AKAP6: variants seen among roughly 807,000 people sequenced by gnomAD.
AKAP6 encodes A-kinase anchor protein 6.
AKAP6 carries 58 observed loss-of-function variants against 188.5 expected under a neutral mutation model. The observed-to-expected ratio is 0.31, with a 90% confidence interval of 0.25 to 0.38. The LOEUF (loss-of-function observed/expected upper bound fraction) is 0.38. AKAP6 is among the 10% of genes least tolerant of loss of function. The pLI is 1.00. For synonymous variants in AKAP6, 989 were observed against 998.6 expected (o/e 0.99, Z 0.18); for missense variants, 2,710 against 2,740.0 (o/e 0.99, Z 0.24).
chr14:32,829,180 A>G (rs549892263), intron 13 of AKAP6, among the ~76,000 whole-genome samples: 2 of 152,188 alleles, frequency 1.3e-5, no homozygotes, highest in Non-Finnish European at 2.9e-5. Context: ...TTTGGAAGAA[A>G]TTTATATCAT....
chr14:32,694,434 C>G (rs1259084650), intron 8 of AKAP6, among the ~76,000 whole-genome samples: 8 of 151,536 alleles, frequency 5.3e-5, no homozygotes, highest in Non-Finnish European at 7.4e-5. Context: ...TGAAGAATCT[C>G]AAGCCCCACC....
intron 1 of AKAP6, among the ~76,000 whole-genome samples, chr14:32,407,074 C>T (rs1423896154): frequency 6.6e-6 from 1 of 152,198 alleles, no homozygotes; most frequent in Non-Finnish European, 1.5e-5. Context: ...CCAACTCTCA[C>T]CCAAGTGCCT....
At chr14:32,360,974 C>A (rs904829471) in intron 1 of AKAP6, among the ~76,000 whole-genome samples, 1 of 151,202 alleles carries the variant, frequency 6.6e-6, no homozygotes, top group Non-Finnish European at 1.5e-5. Context: ...CTCTTGAACT[C>A]CTGGGCTCAA....
intron 2 of AKAP6, among the ~76,000 whole-genome samples, chr14:32,445,958 A>G (rs942991735): frequency 6.6e-6 from 1 of 152,172 alleles, no homozygotes; most frequent in African/African-American, 2.4e-5. Flanking sequence ...GAGGGTGTGA[A>G]TCAGATTCCT....
intron 1 of AKAP6, among the ~76,000 whole-genome samples, chr14:32,406,289 A>G (rs1889290951): frequency 6.6e-6 from 1 of 152,178 alleles, no homozygotes; most frequent in South Asian, 2.1e-4. Flanking sequence ...GGCTCACTGT[A>G]ACCTCTGCCT....
chr14:32,460,797 C>T (rs902181833), intron 2 of AKAP6, among the ~76,000 whole-genome samples: 1 of 152,230 alleles, frequency 6.6e-6, no homozygotes, highest in Non-Finnish European at 1.5e-5. Context: ...TCCCATGGAG[C>T]CCAGCAAGCT....
intron 1 of AKAP6, among the ~76,000 whole-genome samples, chr14:32,330,110 T>C (rs906573864): frequency 6.6e-6 from 1 of 152,088 alleles, no homozygotes; most frequent in Non-Finnish European, 1.5e-5. Flanking sequence ...CAGGCTGACT[T>C]GTAACTGAGA....
intron 3 of AKAP6, among the ~76,000 whole-genome samples, chr14:32,542,207 C>G (rs995841393): frequency 1.3e-5 from 2 of 152,128 alleles, no homozygotes; most frequent in Non-Finnish European, 2.9e-5. Context: ...AGTGCTACAG[C>G]CAGAATTCGA....
At chr14:32,608,245 G>T (rs1430775003) in intron 7 of AKAP6, among the ~76,000 whole-genome samples, 1 of 152,122 alleles carries the variant, frequency 6.6e-6, no homozygotes, top group Non-Finnish European at 1.5e-5. Context: ...AGTGGCTCAT[G>T]CCTGTAATCC....
At chr14:32,602,223 A>G (rs893238307) in intron 7 of AKAP6, among the ~76,000 whole-genome samples, 8 of 152,180 alleles carry the variant, frequency 5.3e-5, no homozygotes, top group Admixed American at 1.3e-4. Context: ...AGGAAAGATG[A>G]TAAGAAACGA....
chr14:32,498,936 A>C (rs368245524), intron 2 of AKAP6, among the ~76,000 whole-genome samples: 13 of 152,096 alleles, frequency 8.5e-5, no homozygotes, highest in African/African-American at 2.9e-4. Flanking sequence ...CATACCTTCA[A>C]TAATTTTTTT....
chr14:32,811,994 G>GT (rs1042191913), intron 12 of AKAP6, among the ~76,000 whole-genome samples: 1 of 152,126 alleles, frequency 6.6e-6, no homozygotes, highest in African/African-American at 2.4e-5. Flanking sequence ...TTTAAAAAAT[G>GT]TAAGTTTTTA....
chr14:32,736,793 AAATTTAG>A (rs3216654), intron 11 of AKAP6, among the ~76,000 whole-genome samples: 47,981 of 151,742 alleles, frequency 0.32, 8,200 homozygotes, highest in South Asian at 0.47. Flanking sequence ...ATCCGTCAGA[AAATTTAG>A]TCACATGTGA....
At chr14:32,815,181 A>C (rs74576537) in intron 12 of AKAP6, among the ~76,000 whole-genome samples, 7 of 152,344 alleles carry the variant, frequency 4.6e-5, no homozygotes, top group Non-Finnish European at 7.3e-5. Flanking sequence ...TGTCCGTGTC[A>C]GTACTGATTT....
intron 7 of AKAP6, among the ~76,000 whole-genome samples, chr14:32,631,447 A>G (rs1348426441): frequency 1.3e-5 from 2 of 152,084 alleles, no homozygotes. Flanking sequence ...GAGATTGGTT[A>G]TATTTTAAAT....
At position 32,580,598 on chromosome 14, in the gene AKAP6, A is replaced by G. The variant is rs911730185; in HGVS notation, c.2469+3356A>G. Among the ~76,000 whole-genome samples the G allele has an allele frequency of 3.7e-4, 56 of 152,186 alleles. 1 individual carries two copies. Among genetic ancestry groups the G allele is most frequent in the Admixed American group, 3.5e-3 (53 of 15,282 alleles). On this transcript the variant is annotated intron_variant, in intron 5 of 13. Coordinates refer to ENST00000280979, the MANE Select transcript of AKAP6 (RefSeq NM_004274.5). The stretch of plus-strand genomic sequence containing the variant: ...TTTAAGTTTTAGGGTACATGTGCAC[A>G]ACGTGCAGGTTAGTTACCTATGTAT...
chr14:32,832,669 G>C lies in AKAP6; in HGVS notation c.*2864G>C, dbSNP rs914781563. 4 of 152,282 alleles carry C rather than the reference G, an allele frequency of 2.6e-5. No individual in the cohort carries two copies. Among genetic ancestry groups the C allele is most frequent in the African/African-American group, 9.7e-5 (4 of 41,426 alleles). The allele number at this position is 152,282 out of a possible 1,614,324, so 9.4% of individuals were successfully genotyped here. A position where few individuals can be genotyped will look rare whatever the true frequency, so the allele number is the denominator to read the frequency against. On this transcript the variant is annotated 3_prime_UTR_variant, in exon 14 of 14. Coordinates refer to ENST00000280979, the MANE Select transcript of AKAP6 (RefSeq NM_004274.5). ...GGCTCATTGTCTGTTAAGGCAAACTGTTCCACTGTTGGGCATATCTCTTTG... is the reference window on the plus strand; with the variant it reads ...GGCTCATTGTCTGTTAAGGCAAACTCTTCCACTGTTGGGCATATCTCTTTG...
chr14:32,554,964 G>A (rs1883627841), intron 4 of AKAP6, among the ~76,000 whole-genome samples: 1 of 152,204 alleles, frequency 6.6e-6, no homozygotes, highest in Non-Finnish European at 1.5e-5. Context: ...ACATAGCTGA[G>A]CCTGTTTGTC....
intron 4 of AKAP6, among the ~76,000 whole-genome samples, chr14:32,561,641 G>A (rs1042343383): frequency 6.6e-6 from 1 of 152,322 alleles, no homozygotes; most frequent in Middle Eastern, 3.4e-3. Context: ...GGAGGAATGA[G>A]CCATTCATGC....
Sources: allele counts gnomAD v4.1 joint callset (sites outside exome capture counted in the v4.1 genomes callset), GRCh38; gene constraint gnomAD v4.1.1; transcripts MANE v1.5; gene names NCBI Gene and HGNC (gene_info 2026-07-23, HGNC 2026-07-21).